Variants in RCOR3 observed in about 807,000 individuals in gnomAD.
RCOR3 encodes the protein REST corepressor 3.
RCOR3 carries 13 observed loss-of-function variants against 64.1 expected under a neutral mutation model. That is an observed-to-expected ratio of 0.20 (90% CI 0.13 to 0.32). The LOEUF is 0.32. Ranked by LOEUF, RCOR3 falls within the 10% of genes least tolerant of loss-of-function variation. The pLI, the probability that RCOR3 is intolerant of heterozygous loss-of-function variation, is 1.00. For missense variants in RCOR3, 489 were observed against 701.2 expected, an observed-to-expected ratio of 0.70 and a Z score of 3.42; for synonymous variants, 215 against 239.0, an observed-to-expected ratio of 0.90 and a Z score of 0.93.
chr1:211,283,904 A>G (rs570960282), intron 7 of RCOR3, among the ~76,000 whole-genome samples: 16 of 148,966 alleles, frequency 1.1e-4, no homozygotes, highest in South Asian at 4.2e-4. Flanking sequence ...AATTCTTTGT[A>G]TATTCTGGAT....
intron 7 of RCOR3, among the ~76,000 whole-genome samples, chr1:211,280,857 G>T (rs956150011): frequency 6.6e-6 from 1 of 152,078 alleles, no homozygotes; most frequent in Admixed American, 6.5e-5. Flanking sequence ...GGTGGCACAT[G>T]CCTGTAATCC....
intron 2 of RCOR3, among the ~76,000 whole-genome samples, chr1:211,268,340 A>G (rs1695545091): frequency 6.6e-6 from 1 of 151,124 alleles, no homozygotes; most frequent in African/African-American, 2.4e-5. Context: ...TTGAAGTTTT[A>G]AAAAGATATA....
At chr1:211,268,369 CTTT>C (rs756643084) in intron 2 of RCOR3, among the ~76,000 whole-genome samples, 18 of 79,356 alleles carry the variant, frequency 2.3e-4, no homozygotes, top group South Asian at 1.9e-3. Flanking sequence ...TCTTTTCTTT[CTTT>C]TTTTTTTTTT....
In RCOR3 at chr1:211,312,049, A is replaced by G. The variant is rs183050458; in HGVS notation, c.1076-671A>G. 6.6e-6 allele frequency among the ~76,000 whole-genome samples: 1 copy of G among 152,290 alleles called. No homozygotes were observed. The highest frequency in any genetic ancestry group is 6.5e-5 in the Admixed American group (1 of 15,290). ...TTAAGCTATCATCTTTCATCCATTC[A>G]GTCTTTAAAACTACTAGATGAGTTA... is the stretch of plus-strand genomic sequence containing the variant. On this transcript the variant is annotated intron_variant, in intron 10 of 11. Transcript: ENST00000419091. This position sits in a 1 kb window ranked among gnomAD's most constrained non-coding sequence, Gnocchi z 5.0.
At chr1:211,264,654 A>G (rs1694893589) in intron 2 of RCOR3, among the ~76,000 whole-genome samples, 1 of 152,130 alleles carries the variant, frequency 6.6e-6, no homozygotes, top group African/African-American at 2.4e-5. Context: ...ACTGTACTAT[A>G]CCCTGGGTGA....
At chr1:211,285,070 C>G (rs901607245) in intron 7 of RCOR3, among the ~76,000 whole-genome samples, 1 of 152,074 alleles carries the variant, frequency 6.6e-6, no homozygotes, top group African/African-American at 2.4e-5. Context: ...ATTCTTGGAC[C>G]TTTGCTCTTC....
intron 7 of RCOR3, among the ~76,000 whole-genome samples, chr1:211,285,163 C>A (rs144109177): frequency 6.6e-6 from 1 of 152,026 alleles, no homozygotes; most frequent in Non-Finnish European, 1.5e-5. Context: ...TCTTTTTAGT[C>A]CTTGTATCTT....
rs11406987 is a variant in RCOR3 at position 211,262,822 on chromosome 1, GT to G, written c.223+2671del. On this transcript the variant is annotated intron_variant, in intron 2 of 11. Coordinates refer to ENST00000419091, the MANE Select transcript of RCOR3 (RefSeq NM_001136223.3). ...TTAATGTGATTTTGCATGGCCACTG[GT>G]TTTTTTTTTTTTGAAGAAGCTATTT... 6.3e-3 allele frequency among the ~76,000 whole-genome samples: 906 copies of G among 142,916 alleles called. 8 individuals are homozygous for G. Among genetic ancestry groups the G allele is most frequent in the African/African-American group, 0.021 (828 of 39,126 alleles). The allele number at this position is 142,916 out of a possible 152,430, so 93.8% of individuals were successfully genotyped here. A position where few individuals can be genotyped will look rare whatever the true frequency, so the allele number is the denominator to read the frequency against.
intron 5 of RCOR3, among the ~76,000 whole-genome samples, chr1:211,277,793 TTAAAA>T (rs1697222297): frequency 1.3e-5 from 2 of 152,212 alleles, no homozygotes; most frequent in African/African-American, 4.8e-5. Flanking sequence ...ATATGTACAC[TTAAAA>T]TAGAGAATTT....
chr1:211,295,630 AC>A (rs759322351), intron 8 of RCOR3, 45 bp from the exon 9 acceptor site: 1 of 1,506,526 alleles, frequency 6.6e-7, no homozygotes, highest in African/African-American at 1.4e-5. Flanking sequence ...TCACAAATTT[AC>A]CTAAGTACGC....
At chr1:211,284,739 C>T (rs1419475170) in intron 7 of RCOR3, among the ~76,000 whole-genome samples, 1 of 151,988 alleles carries the variant, frequency 6.6e-6, no homozygotes, top group Non-Finnish European at 1.5e-5. Context: ...CCAGACTGGT[C>T]TTGAGCTTCT....
chr1:211,266,117 A>C (rs1695140932), intron 2 of RCOR3, among the ~76,000 whole-genome samples: 1 of 152,092 alleles, frequency 6.6e-6, no homozygotes, highest in Non-Finnish European at 1.5e-5. Flanking sequence ...ATTCTCTTAA[A>C]ATTTTCTCAT....
rs915787527 is a variant in RCOR3, at chr1:211,260,133, A to C, written c.192A>C (p.Glu64Asp). 2.5e-6 allele frequency: 4 copies of C among 1,612,362 alleles called. No individual in the cohort carries two copies. The East Asian group carries it at 8.9e-5, about 36-fold the overall frequency. The change falls in exon 2 of 12, where the codon GAA becomes GAC. Residue 64 changes from glutamate to aspartate, a missense_variant. Physicochemically the swap from Glu to Asp is conservative, Grantham distance 45. Around this residue, in one of 2 missense-constraint regions of RCOR3, gnomAD observed 402 missense variants for 617.0 expected, o/e 0.65. Transcript: ENST00000419091. ...ATGTTGGGATGAGAGTCGGAGCCGA[A>C]TACCAAGCTCGGATCCCTGAATTTG... ...EHDVGMRVGAEYQARIPEFDP... is the reference protein window; with the variant it reads ...EHDVGMRVGADYQARIPEFDP...
chr1:211,278,548 CTTA>C (rs984840675), intron 6 of RCOR3, among the ~76,000 whole-genome samples: 67 of 152,086 alleles, frequency 4.4e-4, no homozygotes, highest in Middle Eastern at 3.4e-3. Flanking sequence ...AACTGAAACC[CTTA>C]TTATTGAGGC....
chr1:211,292,431 A>T (rs757294951), intron 8 of RCOR3, among the ~76,000 whole-genome samples: 5 of 152,210 alleles, frequency 3.3e-5, no homozygotes, highest in African/African-American at 4.8e-5. Context: ...AATAAAGTGT[A>T]CTCAGTCACC....
At chr1:211,309,041 A>C (rs1205043313) in intron 10 of RCOR3, among the ~76,000 whole-genome samples, 1 of 151,062 alleles carries the variant, frequency 6.6e-6, no homozygotes, top group Admixed American at 6.6e-5. Context: ...AATTGTTTTA[A>C]ACATACCAAA....
chr1:211,277,391 G>A (rs1697169558), intron 5 of RCOR3, among the ~76,000 whole-genome samples: 1 of 152,104 alleles, frequency 6.6e-6, no homozygotes, highest in South Asian at 2.1e-4. Context: ...TGACAGATCA[G>A]TGCATGATCA....
rs1464965668 is a variant in RCOR3, at chr1:211,315,327, A to C, written c.*1559A>C. ...CCCTATTGTTGGCTCCACAGCCTTA[A>C]AGTGCTATAGATTTAAATTCATTGA... On this transcript the variant is annotated 3_prime_UTR_variant, in exon 12 of 12. Coordinates refer to ENST00000419091, the MANE Select transcript of RCOR3 (RefSeq NM_001136223.3). The C allele has an allele frequency of 6.6e-6, 1 of 152,204 alleles. No individual in the cohort carries two copies. The highest frequency in any genetic ancestry group is 1.5e-5 in the Non-Finnish European group (1 of 68,032). 9.4% of individuals were successfully genotyped at this position (152,204 alleles called of 1,614,324 possible).
intron 3 of RCOR3, 61 bp downstream of exon 3, chr1:211,271,370 G>A: frequency 7.4e-7 from 1 of 1,354,858 alleles, no homozygotes. Context: ...TTCAAAATAT[G>A]ACTTACGTTT....
Sources: allele counts gnomAD v4.1 joint callset (sites outside exome capture counted in the v4.1 genomes callset), GRCh38; gene constraint gnomAD v4.1.1; regional missense constraint gnomAD v4.1.1; non-coding constraint Gnocchi (gnomAD v3.1); transcripts MANE v1.5; gene names NCBI Gene and HGNC (gene_info 2026-07-23, HGNC 2026-07-21).